The following PYGO1 variants were observed in gnomAD, a reference collection of about 807,000 sequenced individuals.
PYGO1 encodes pygopus family PHD finger 1, also known as pygopus homolog 1.
A neutral mutation model predicts 29.5 loss-of-function variants in PYGO1; 6 were observed. The ratio of observed to expected loss-of-function variants is 0.20; its 90% confidence interval spans 0.11 to 0.40. The LOEUF (loss-of-function observed/expected upper bound fraction) is 0.40, where lower values mean the gene tolerates loss of function less well. Ranked by LOEUF, PYGO1 falls within the 10% of genes least tolerant of loss-of-function variation. The pLI is 1.00. For missense variants in PYGO1, 515 were observed against 514.9 expected, an observed-to-expected ratio of 1.00 and a Z score of 0.00; for synonymous variants, 186 against 180.5, an observed-to-expected ratio of 1.03 and a Z score of -0.24.
At chr15:55,559,175 T>C (rs549748369) in intron 1 of PYGO1, among the ~76,000 whole-genome samples, 88 of 152,240 alleles carry the variant, frequency 5.8e-4, no homozygotes, top group African/African-American at 1.9e-3. Context: ...GTGAAGGATA[T>C]GAACAGACAC....
At chr15:55,574,489 G>C (rs1310425907) in intron 1 of PYGO1, among the ~76,000 whole-genome samples, 1 of 152,090 alleles carries the variant, frequency 6.6e-6, no homozygotes, top group Admixed American at 6.5e-5. Flanking sequence ...AAGTAGACTA[G>C]TGTCTACATA....
At chr15:55,586,590 A>G (rs1481936446) in intron 1 of PYGO1, among the ~76,000 whole-genome samples, 2 of 152,088 alleles carry the variant, frequency 1.3e-5, no homozygotes, top group Admixed American at 1.3e-4. Flanking sequence ...CTGTCACAGG[A>G]CTCTTTCCTT....
At chr15:55,565,630 G>A (rs2058952608) in intron 1 of PYGO1, among the ~76,000 whole-genome samples, 2 of 151,862 alleles carry the variant, frequency 1.3e-5, no homozygotes, top group Admixed American at 1.3e-4. Context: ...CATGAGAATC[G>A]CTTGAACCCG....
At chr15:55,566,488 C>A (rs191075463) in intron 1 of PYGO1, among the ~76,000 whole-genome samples, 319 of 151,964 alleles carry the variant, frequency 2.1e-3, no homozygotes, top group African/African-American at 7.3e-3. Flanking sequence ...CTGATGGGCA[C>A]CTAGGTTGAT....
intron 1 of PYGO1, among the ~76,000 whole-genome samples, chr15:55,563,567 GT>G (rs1336473690): frequency 6.6e-6 from 1 of 152,018 alleles, no homozygotes; most frequent in Non-Finnish European, 1.5e-5. Context: ...GGTCAGGCTG[GT>G]CTCGAGCTCC....
chr15:55,588,116 G>A lies in PYGO1; in HGVS notation c.-233C>T. 1.1e-6 allele frequency: 1 copy of A among 927,460 alleles called. No homozygotes were observed. The highest frequency in any genetic ancestry group is 1.8e-5 in the African/African-American group (1 of 55,834). The allele number at this position is 927,460 out of a possible 1,614,324, so 57.5% of individuals were successfully genotyped here. ...CGTGCGGGCACCGGCGGGGCTCAGC[G>A]GCGGTGGCCGGGAGCGCGGCCTGGG... is the stretch of plus-strand genomic sequence containing the variant. On this transcript the variant is annotated 5_prime_UTR_variant, in exon 1 of 3. Transcript: ENST00000563719.
At chr15:55,581,219 G>GT (rs145062532) in intron 1 of PYGO1, among the ~76,000 whole-genome samples, 17,378 of 152,168 alleles carry the variant, frequency 0.11, 1,320 homozygotes, top group Non-Finnish European at 0.18. Context: ...TTGAGGATGA[G>GT]TATCACCCAA....
chr15:55,554,445 G>C (rs1254182225), intron 1 of PYGO1, among the ~76,000 whole-genome samples: 1 of 140,072 alleles, frequency 7.1e-6, no homozygotes, highest in African/African-American at 2.7e-5. Flanking sequence ...CTCCAGTCTG[G>C]GTGACAGAGC....
At chr15:55,574,700 TATATG>T (rs2058994213) in intron 1 of PYGO1, among the ~76,000 whole-genome samples, 1 of 152,106 alleles carries the variant, frequency 6.6e-6, no homozygotes, top group Non-Finnish European at 1.5e-5. Context: ...TCTTCAAAGA[TATATG>T]ATATATAAAG....
chr15:55,568,804 T>C (rs1410120104), intron 1 of PYGO1, among the ~76,000 whole-genome samples: 1 of 152,132 alleles, frequency 6.6e-6, no homozygotes, highest in South Asian at 2.1e-4. Context: ...CGTGATAGGA[T>C]GTTAGATTTT....
In PYGO1 at chr15:55,539,162, A is replaced by G. The variant is rs1432909153; in HGVS notation, c.*6861T>C. 2.0e-5 allele frequency: 3 copies of G among 152,230 alleles called. No individual in the cohort carries two copies. Among genetic ancestry groups the G allele is most frequent in the African/African-American group, 7.2e-5 (3 of 41,474 alleles). The allele number at this position is 152,230 out of a possible 1,614,324, so 9.4% of individuals were successfully genotyped here. On this transcript the variant is annotated 3_prime_UTR_variant, in exon 3 of 3. Coordinates refer to ENST00000563719, the MANE Select transcript of PYGO1 (RefSeq NM_001367806.1). ...ATAGAATAAAAAAACTAAAATGTAGATGACAAATTAAACTCTTCCAATTTT... is the reference window on the plus strand; with the variant it reads ...ATAGAATAAAAAAACTAAAATGTAGGTGACAAATTAAACTCTTCCAATTTT...
intron 1 of PYGO1, among the ~76,000 whole-genome samples, chr15:55,580,089 A>C (rs1037279342): frequency 6.6e-6 from 1 of 152,238 alleles, no homozygotes; most frequent in Non-Finnish European, 1.5e-5. Context: ...TCACATGTGA[A>C]GATAACTATA....
At chr15:55,553,289 T>C (rs973122331) in intron 1 of PYGO1, among the ~76,000 whole-genome samples, 5 of 151,936 alleles carry the variant, frequency 3.3e-5, no homozygotes, top group African/African-American at 7.3e-5. Context: ...TGCAGTTCAG[T>C]AGACAGTCTT....
intron 1 of PYGO1, among the ~76,000 whole-genome samples, chr15:55,586,140 C>A (rs1408784544): frequency 6.6e-6 from 1 of 152,160 alleles, no homozygotes; most frequent in Non-Finnish European, 1.5e-5. Context: ...AAATGAATGA[C>A]TGTGGTCCTT....
At chr15:55,587,727 C>A (rs1381609762) in intron 1 of PYGO1, 108 bp downstream of exon 1, 1 of 1,222,502 alleles carries the variant, frequency 8.2e-7, no homozygotes, top group Non-Finnish European at 1.0e-6. Context: ...ACGCGGGCTG[C>A]GCGGACTTAG....
intron 1 of PYGO1, among the ~76,000 whole-genome samples, chr15:55,584,106 CTT>C (rs61436067): frequency 0.45 from 55,088 of 122,792 alleles, 11,945 homozygotes; most frequent in Admixed American, 0.55. Flanking sequence ...GGTGTCATAC[CTT>C]TTTTTTTTTT....
At chr15:55,563,366 C>CTTTTTT (rs746208614) in intron 1 of PYGO1, among the ~76,000 whole-genome samples, 1 of 128,790 alleles carries the variant, frequency 7.8e-6, no homozygotes, top group African/African-American at 2.9e-5. Flanking sequence ...TGAATAAATT[C>CTTTTTT]TTTTTTTTTT....
chr15:55,568,683 T>G (rs78491433), intron 1 of PYGO1, among the ~76,000 whole-genome samples: 1 of 152,174 alleles, frequency 6.6e-6, no homozygotes, highest in East Asian at 1.9e-4. Flanking sequence ...CTCAGGGTAC[T>G]GCATCCAGTT....
At chr15:55,557,819 A>G (rs1382945527) in intron 1 of PYGO1, among the ~76,000 whole-genome samples, 2 of 152,216 alleles carry the variant, frequency 1.3e-5, no homozygotes, top group African/African-American at 4.8e-5. Context: ...CTCTCAATAA[A>G]TTAGGTATTG....
Sources: allele counts gnomAD v4.1 joint callset (sites outside exome capture counted in the v4.1 genomes callset), GRCh38; gene constraint gnomAD v4.1.1; transcripts MANE v1.5; gene names NCBI Gene and HGNC (gene_info 2026-07-23, HGNC 2026-07-21).